TPO: variants seen among roughly 807,000 people sequenced by gnomAD.
The protein encoded by TPO is thyroid peroxidase.
A neutral mutation model predicts 96.9 loss-of-function variants in TPO; 78 were observed. The observed-to-expected ratio is 0.81, with a 90% CI of 0.67 to 0.97. TPO has a LOEUF of 0.97. TPO is among the 50% of genes least tolerant of loss of function. The probability of loss-of-function intolerance (pLI) is 0.00; values close to 1 mark genes in which losing one functional copy is unlikely to be tolerated. For synonymous variants in TPO, 547 were observed against 538.0 expected, an observed-to-expected ratio of 1.02 and a Z score of -0.23; for missense variants, 1,252 against 1,274.8, an observed-to-expected ratio of 0.98 and a Z score of 0.27.
At chr2:1,401,622 G>A (rs34845574) in intron 1 of TPO, among the ~76,000 whole-genome samples, 3,657 of 152,098 alleles carry the variant, frequency 0.024, 70 homozygotes, top group Non-Finnish European at 0.04. Context: ...GCACAGCCCT[G>A]AGCTTCTCCC....
chr2:1,415,632 T>C (rs1430434715), intron 2 of TPO, among the ~76,000 whole-genome samples: 28 of 98,754 alleles, frequency 2.8e-4, no homozygotes, highest in Admixed American at 3.8e-4. Flanking sequence ...CCTCTGCACA[T>C]AGTCCCGGAG....
chr2:1,453,597 AC>A, intron 5 of TPO, 96 bp from the exon 6 acceptor site: 1 of 1,598,536 alleles, frequency 6.3e-7, no homozygotes, highest in Admixed American at 1.7e-5. Flanking sequence ...GAGAGACCCC[AC>A]TTATTCTCCC....
chr2:1,452,580 G>T (rs935984630), intron 5 of TPO, among the ~76,000 whole-genome samples: 3 of 152,150 alleles, frequency 2.0e-5, no homozygotes, highest in Admixed American at 6.5e-5. Flanking sequence ...TGACTATGTC[G>T]CTGGGAACAG....
At chr2:1,401,672 G>A (rs1057233262) in intron 1 of TPO, among the ~76,000 whole-genome samples, 6 of 152,064 alleles carry the variant, frequency 3.9e-5, no homozygotes, top group Admixed American at 1.3e-4. Context: ...GCATGGGTTT[G>A]ATCCCTAATA....
chr2:1,459,114 T>G (rs1573278192), intron 7 of TPO, among the ~76,000 whole-genome samples: 1 of 152,060 alleles, frequency 6.6e-6, no homozygotes. Flanking sequence ...TTAATTTTAT[T>G]TCTCTCTGGA....
intron 14 of TPO, 57 bp from the exon 15 acceptor site, chr2:1,516,826 C>A: frequency 6.4e-7 from 1 of 1,556,390 alleles, no homozygotes. Flanking sequence ...GGCAGGACAA[C>A]CTGGCTTGCC....
intron 2 of TPO, among the ~76,000 whole-genome samples, chr2:1,422,553 T>TA (rs1310460213): frequency 3.3e-5 from 5 of 152,346 alleles, no homozygotes; most frequent in African/African-American, 2.4e-5. Context: ...GTCTTCCTGT[T>TA]ACCGCGTCCG....
At chr2:1,463,552 A>G (rs947724798) in intron 7 of TPO, among the ~76,000 whole-genome samples, 4 of 152,326 alleles carry the variant, frequency 2.6e-5, no homozygotes, top group South Asian at 2.1e-4. Flanking sequence ...TTTTCCTAAG[A>G]GAAACATGTT....
chr2:1,432,482 G>T (rs939043357), intron 3 of TPO, among the ~76,000 whole-genome samples: 1 of 151,936 alleles, frequency 6.6e-6, no homozygotes, highest in Non-Finnish European at 1.5e-5. Flanking sequence ...GGGGAGGCCT[G>T]CAGGTGAGGG....
Position 1,540,488 on chromosome 2 carries a change from C to CCAAAGACAAGCACGGCTGCCTT in TPO, c.2619-105_2619-84dup, listed in dbSNP as rs1680607278. ...ATGAAAGTGGGTTGGAGTGTTCCTG[C>CCAAAGACAAGCACGGCTGCCTT]CAAAGACAAGCACGGCTGCCTTGCC... On this transcript the variant is annotated intron_variant, in intron 15 of 16. Coordinates refer to ENST00000329066, the MANE Select transcript of TPO (RefSeq NM_001206744.2). 8 of 1,597,100 alleles carry CCAAAGACAAGCACGGCTGCCTT rather than the reference C, an allele frequency of 5.0e-6. No homozygotes were observed. The South Asian group carries it at 6.6e-5, about 13-fold the overall frequency.
chr2:1,420,646 T>TGG (rs1663419163), intron 2 of TPO, among the ~76,000 whole-genome samples: 1 of 152,060 alleles, frequency 6.6e-6, no homozygotes, highest in South Asian at 2.1e-4. Context: ...CGCAATTCAG[T>TGG]GGGCATCAGG....
In TPO at chr2:1,539,837, G is replaced by A. The variant is rs28915671; in HGVS notation, c.2619-757G>A. ...GAGTTCAGGGATGAATGACCACCAA[G>A]GCAAGGGAAGGAGTCCAGCAGCTCA... On this transcript the variant is annotated intron_variant, in intron 15 of 16. Coordinates refer to ENST00000329066, the MANE Select transcript of TPO (RefSeq NM_001206744.2). Among the ~76,000 whole-genome samples, 296 of 145,480 alleles carry A rather than the reference G, an allele frequency of 2.0e-3. 2 individuals are homozygous for A. Among genetic ancestry groups the A allele is most frequent in the African/African-American group, 7.8e-3 (284 of 36,482 alleles).
At chr2:1,397,982 C>T (rs900237081) in intron 1 of TPO, among the ~76,000 whole-genome samples, 10 of 152,172 alleles carry the variant, frequency 6.6e-5, no homozygotes, top group Non-Finnish European at 7.3e-5. Context: ...CTTCCCATGC[C>T]ACAAACAAAG....
At chr2:1,477,769 T>TCCTGCTGGGCGC in intron 8 of TPO, 165 bp downstream of exon 8, 2 of 985,416 alleles carry the variant, frequency 2.0e-6, no homozygotes, top group Non-Finnish European at 2.4e-6. Context: ...GGGTGCGCAG[T>TCCTGCTGGGCGC]CCTGCTGGGC....
At chr2:1,506,387 G>A (rs1248480739) in intron 14 of TPO, among the ~76,000 whole-genome samples, 2 of 152,080 alleles carry the variant, frequency 1.3e-5, no homozygotes, top group African/African-American at 2.4e-5. Flanking sequence ...ATAGTCCTTT[G>A]GGTGTATACC....
chr2:1,521,313 T>C (rs1675233324), intron 15 of TPO, among the ~76,000 whole-genome samples: 1 of 152,174 alleles, frequency 6.6e-6, no homozygotes, highest in Admixed American at 6.5e-5. Context: ...GCTGTTTCTC[T>C]AGGCACGTCA....
chr2:1,470,530 AAT>A (rs1317179165), intron 7 of TPO, among the ~76,000 whole-genome samples: 3 of 148,878 alleles, frequency 2.0e-5, no homozygotes, highest in East Asian at 1.9e-4. Context: ...TATATATAAT[AAT>A]ATATATATAA....
chr2:1,426,481 G>A (rs1407689909), intron 3 of TPO, among the ~76,000 whole-genome samples: 14 of 152,088 alleles, frequency 9.2e-5, no homozygotes, highest in African/African-American at 2.9e-4. Flanking sequence ...ACAGAGATGA[G>A]TTCGATCATT....
intron 1 of TPO, among the ~76,000 whole-genome samples, chr2:1,379,093 T>G (rs1661766671): frequency 6.6e-6 from 1 of 152,036 alleles, no homozygotes; most frequent in Non-Finnish European, 1.5e-5. Flanking sequence ...TCACCTAAGG[T>G]CAGGAGCTCA....
Sources: gnomAD v4.1 joint callset for allele counts (sites outside exome capture counted in the v4.1 genomes callset) on GRCh38, gnomAD v4.1.1 for gene constraint, MANE v1.5 for transcripts, NCBI Gene and HGNC (gene_info 2026-07-23, HGNC 2026-07-21) for gene names.